Variants in SRD5A2 observed in about 807,000 individuals in gnomAD.
SRD5A2 encodes steroid 5 alpha-reductase 2.
A neutral mutation model predicts 27.4 loss-of-function variants in SRD5A2; 30 were observed. The observed-to-expected ratio is 1.10, with a 90% CI of 0.82 to 1.49. The LOEUF (loss-of-function observed/expected upper bound fraction) is 1.49, where lower values mean the gene tolerates loss of function less well. SRD5A2 is among the 40% of genes most tolerant of loss of function. The pLI is 0.00. For synonymous variants in SRD5A2, 141 were observed against 133.6 expected (o/e 1.06, Z -0.38); for missense variants, 348 against 323.4 (o/e 1.08, Z -0.58).
At chr2:31,554,310 G>A (rs1666447829) in intron 1 of SRD5A2, among the ~76,000 whole-genome samples, 1 of 152,174 alleles carries the variant, frequency 6.6e-6, no homozygotes, top group Non-Finnish European at 1.5e-5. Context: ...ACTCACACAT[G>A]CTTAATATGA....
chr2:31,649,770 T>C, the SRD5A2 span, among the ~76,000 whole-genome samples: 2 of 152,132 alleles, frequency 1.3e-5, no homozygotes, highest in African/African-American at 2.4e-5. Context: ...GGAAGTTTTG[T>C]CCCAAGCCAT....
intron 1 of SRD5A2, among the ~76,000 whole-genome samples, chr2:31,570,323 CA>C (rs1666825475): frequency 6.6e-6 from 1 of 152,138 alleles, no homozygotes; most frequent in Non-Finnish European, 1.5e-5. Context: ...TACAACTAAA[CA>C]CCTCATCATG....
chr2:31,547,643 C>T (rs990118005), intron 1 of SRD5A2, among the ~76,000 whole-genome samples: 9 of 152,164 alleles, frequency 5.9e-5, no homozygotes, highest in Admixed American at 5.2e-4. Flanking sequence ...AGGACTTGCA[C>T]CAGCAATTCT....
chr2:31,618,081 C>A, the SRD5A2 span, among the ~76,000 whole-genome samples: 1 of 152,110 alleles, frequency 6.6e-6, no homozygotes, highest in African/African-American at 2.4e-5. Context: ...ACTGGGGAGG[C>A]CTCACAATCA....
chr2:31,657,317 TA>T, the SRD5A2 span, among the ~76,000 whole-genome samples: 1 of 152,202 alleles, frequency 6.6e-6, no homozygotes, highest in Admixed American at 6.5e-5. Context: ...CATCTAAAAT[TA>T]AAAGTTTATA....
chr2:31,608,110 A>G, the SRD5A2 span, among the ~76,000 whole-genome samples: 40 of 152,194 alleles, frequency 2.6e-4, 1 homozygote, highest in Middle Eastern at 0.014. Flanking sequence ...GTATTCCATT[A>G]TAGCAGCCCA....
the SRD5A2 span, among the ~76,000 whole-genome samples, chr2:31,598,537 T>C: frequency 1.3e-5 from 2 of 152,058 alleles, no homozygotes; most frequent in Admixed American, 1.3e-4. Flanking sequence ...ACATAGAGTT[T>C]CTATTAGTTT....
Position 31,580,680 on chromosome 2 carries a change from G to A in SRD5A2, c.221C>T (p.Ser74Phe), listed in dbSNP as rs1462234672. 1 of 1,598,570 alleles carries A rather than the reference G, an allele frequency of 6.3e-7. No homozygotes were observed. The stretch of plus-strand genomic sequence containing the variant: ...TACCGTCCCAGGTGGCCCGAAGAGG[G>A]AGAGGGGCTGCCGGGCGAGGATCCC... ...PAGILARQPLSLFGPPGTVLL... is the reference protein window; with the variant it reads ...PAGILARQPLFLFGPPGTVLL... Residue 74 changes from serine to phenylalanine, a missense_variant, in exon 1 of 5, where the codon TCC becomes TTC. By Grantham distance (155) the Ser-to-Phe change is radical. Coordinates refer to ENST00000622030, the MANE Select transcript of SRD5A2 (RefSeq NM_000348.4).
the SRD5A2 span, among the ~76,000 whole-genome samples, chr2:31,638,947 C>T: frequency 6.6e-6 from 1 of 151,816 alleles, no homozygotes; most frequent in African/African-American, 2.4e-5. Flanking sequence ...CTTACTACTG[C>T]CATTTTGTTG....
chr2:31,530,823 G>C (rs1178275977), intron 3 of SRD5A2, among the ~76,000 whole-genome samples: 1 of 152,120 alleles, frequency 6.6e-6, no homozygotes, highest in East Asian at 1.9e-4. Context: ...TTACAAACAT[G>C]CTCACCTTTA....
the SRD5A2 span, among the ~76,000 whole-genome samples, chr2:31,622,346 C>G: frequency 6.6e-6 from 1 of 152,058 alleles, no homozygotes; most frequent in East Asian, 1.9e-4. Flanking sequence ...TATATATGTT[C>G]CACATTTTCT....
chr2:31,558,818 G>A (rs1185274335), intron 1 of SRD5A2, among the ~76,000 whole-genome samples: 2 of 152,200 alleles, frequency 1.3e-5, no homozygotes, highest in African/African-American at 2.4e-5. Context: ...TGGTCTAGGT[G>A]TGTAGGAGAC....
intron 1 of SRD5A2, 35 bp downstream of exon 1, chr2:31,580,585 C>A (rs751702605): frequency 5.4e-6 from 8 of 1,491,754 alleles, no homozygotes; most frequent in Non-Finnish European, 7.1e-6. Flanking sequence ...CAGGGCAGTG[C>A]GCTGCACTGG....
chr2:31,566,509 A>T (rs192693923), intron 1 of SRD5A2, among the ~76,000 whole-genome samples: 4 of 152,326 alleles, frequency 2.6e-5, no homozygotes, highest in Admixed American at 6.5e-5. Flanking sequence ...ATTAAGGATG[A>T]AAGAGATGAG....
intron 1 of SRD5A2, among the ~76,000 whole-genome samples, chr2:31,548,436 T>C (rs1003940767): frequency 6.6e-6 from 1 of 152,076 alleles, no homozygotes; most frequent in Non-Finnish European, 1.5e-5. Flanking sequence ...AATAAATGTC[T>C]CTCCAAAGAA....
the SRD5A2 span, among the ~76,000 whole-genome samples, chr2:31,628,296 G>C: frequency 3.3e-5 from 5 of 151,938 alleles, no homozygotes; most frequent in Non-Finnish European, 7.4e-5. Context: ...AGCAACCCCT[G>C]CTTTTCTCTG....
chr2:31,568,976 C>A (rs551356358), intron 1 of SRD5A2, among the ~76,000 whole-genome samples: 1 of 152,212 alleles, frequency 6.6e-6, no homozygotes, highest in Non-Finnish European at 1.5e-5. Flanking sequence ...GGCCAAGGAG[C>A]GGGAGCAGGT....
chr2:31,573,695 T>C (rs7562326), intron 1 of SRD5A2, among the ~76,000 whole-genome samples: 20,074 of 152,200 alleles, frequency 0.13, 1,492 homozygotes, highest in African/African-American at 0.2. Flanking sequence ...GTGAATTACC[T>C]GATGGGTCAA....
At chr2:31,553,512 T>C (rs754950457) in intron 1 of SRD5A2, among the ~76,000 whole-genome samples, 1 of 151,970 alleles carries the variant, frequency 6.6e-6, no homozygotes, top group South Asian at 2.1e-4. Flanking sequence ...GACAAAGAAA[T>C]TGTCGAAGGC....
Sources: allele counts gnomAD v4.1 joint callset (sites outside exome capture counted in the v4.1 genomes callset), GRCh38; gene constraint gnomAD v4.1.1; transcripts MANE v1.5; gene names NCBI Gene and HGNC (gene_info 2026-07-23, HGNC 2026-07-21).